The following POU6F2 variants were observed in gnomAD, a reference collection of about 807,000 sequenced individuals.
POU6F2 encodes the protein POU class 6 homeobox 2.
POU6F2 carries 31 observed loss-of-function variants against 71.3 expected under a neutral mutation model. The ratio of observed to expected loss-of-function variants is 0.43; its 90% CI spans 0.33 to 0.59. The LOEUF (loss-of-function observed/expected upper bound fraction) is 0.59, where lower values mean the gene tolerates loss of function less well. POU6F2 is among the 20% of genes least tolerant of loss of function. POU6F2 has a pLI of 0.04. For synonymous variants in POU6F2, 347 were observed against 355.7 expected, an observed-to-expected ratio of 0.98 and a Z score of 0.27; for missense variants, 783 against 856.8, an observed-to-expected ratio of 0.91 and a Z score of 1.07.
intron 1 of POU6F2, among the ~76,000 whole-genome samples, chr7:39,008,329 T>A (rs1584494407): frequency 2.6e-5 from 4 of 152,246 alleles, no homozygotes; most frequent in Admixed American, 2.6e-4. Context: ...TATCTTCTTT[T>A]GAGAAGTGTC....
intron 2 of POU6F2, among the ~76,000 whole-genome samples, chr7:39,112,007 G>A (rs372574039): frequency 6.6e-6 from 1 of 152,192 alleles, no homozygotes; most frequent in South Asian, 2.1e-4. Context: ...AATGTGGCCT[G>A]TTGAGAAGGT....
intron 1 of POU6F2, among the ~76,000 whole-genome samples, chr7:39,008,132 C>T: frequency 7.2e-6 from 1 of 138,740 alleles, no homozygotes; most frequent in Non-Finnish European, 1.6e-5. Flanking sequence ...AACTAGTTTA[C>T]AGTCCCACCA....
At chr7:39,406,252 AT>A (rs888175804) in intron 5 of POU6F2, 1 of 226,322 alleles carries the variant, frequency 4.4e-6, no homozygotes, top group African/African-American at 2.2e-5. Context: ...GGGAAAGCAG[AT>A]ATTTCCTGAG....
intron 2 of POU6F2, among the ~76,000 whole-genome samples, chr7:39,140,546 T>C (rs1001357541): frequency 1.6e-4 from 25 of 152,344 alleles, no homozygotes; most frequent in Admixed American, 1.4e-3. Context: ...CATTGGCTTG[T>C]GGCCACATCA....
intron 1 of POU6F2, among the ~76,000 whole-genome samples, chr7:39,005,484 C>T (rs1006627313): frequency 7.9e-6 from 1 of 126,610 alleles, no homozygotes. Context: ...AGGGAGAAAC[C>T]TGTGTGTGTG....
chr7:39,241,489 C>T (rs756854786), intron 4 of POU6F2, among the ~76,000 whole-genome samples: 16 of 152,110 alleles, frequency 1.1e-4, no homozygotes, highest in Non-Finnish European at 2.4e-4. Context: ...GATAGTGGCA[C>T]ATGGCCTGAA....
intron 1 of POU6F2, among the ~76,000 whole-genome samples, chr7:39,020,752 C>A (rs1363854192): frequency 1.3e-5 from 2 of 149,280 alleles, no homozygotes; most frequent in Non-Finnish European, 3.0e-5. Flanking sequence ...TCTAAAAGTT[C>A]TTTGCCTAAT....
chr7:39,153,664 T>A (rs1792804548), intron 2 of POU6F2, among the ~76,000 whole-genome samples: 2 of 152,232 alleles, frequency 1.3e-5, no homozygotes, highest in South Asian at 4.1e-4. Flanking sequence ...CTGATTTTTT[T>A]ATTTCAACAG....
chr7:39,109,517 G>T (rs889509066), intron 2 of POU6F2, among the ~76,000 whole-genome samples: 2 of 152,182 alleles, frequency 1.3e-5, no homozygotes, highest in African/African-American at 4.8e-5. Flanking sequence ...ATGTGACCCT[G>T]CATCCAATGA....
At chr7:39,454,227 G>T (rs561863329) in intron 8 of POU6F2, among the ~76,000 whole-genome samples, 2 of 152,148 alleles carry the variant, frequency 1.3e-5, no homozygotes, top group Non-Finnish European at 2.9e-5. Context: ...TCCCTGTAGA[G>T]TTGGAGTGCA....
intron 2 of POU6F2, among the ~76,000 whole-genome samples, chr7:39,114,834 T>C (rs748374540): frequency 3.9e-5 from 6 of 152,156 alleles, no homozygotes; most frequent in Non-Finnish European, 8.8e-5. Flanking sequence ...TTTTAAATTT[T>C]ATAAAAGATG....
chr7:39,320,989 G>A (rs1347026706), intron 4 of POU6F2, among the ~76,000 whole-genome samples: 11 of 152,168 alleles, frequency 7.2e-5, no homozygotes, highest in Non-Finnish European at 1.0e-4. Flanking sequence ...CCAGGAGGTC[G>A]AGGCTGCAGT....
At chr7:39,086,833 C>T (rs776424435) in intron 2 of POU6F2, among the ~76,000 whole-genome samples, 14 of 152,106 alleles carry the variant, frequency 9.2e-5, no homozygotes, top group African/African-American at 2.4e-4. Context: ...GTTGTTGAGG[C>T]GCGTGCCTGA....
chr7:39,442,262 A>G (rs529915688), intron 7 of POU6F2, among the ~76,000 whole-genome samples: 1 of 152,342 alleles, frequency 6.6e-6, no homozygotes, highest in East Asian at 1.9e-4. Context: ...CTTATGGGGT[A>G]GTGAGGAAGA....
intron 4 of POU6F2, among the ~76,000 whole-genome samples, chr7:39,328,547 C>A (rs1785568821): frequency 1.3e-5 from 2 of 152,132 alleles, no homozygotes; most frequent in South Asian, 4.1e-4. Context: ...TAATTAGTGT[C>A]CTAGGCTGGA....
At chr7:39,288,103 A>C (rs1178082476) in intron 4 of POU6F2, among the ~76,000 whole-genome samples, 2 of 152,240 alleles carry the variant, frequency 1.3e-5, no homozygotes, top group Non-Finnish European at 2.9e-5. Context: ...ACTAAAAAAT[A>C]ATTAAAGACC....
chr7:39,202,676 A>G (rs948965273), intron 2 of POU6F2, among the ~76,000 whole-genome samples: 7 of 152,246 alleles, frequency 4.6e-5, no homozygotes, highest in East Asian at 3.8e-4. Flanking sequence ...GCTTTTAAGC[A>G]TAATAGGTAA....
At chr7:39,044,050 G>A (rs1019696326) in intron 1 of POU6F2, among the ~76,000 whole-genome samples, 1 of 151,832 alleles carries the variant, frequency 6.6e-6, no homozygotes, top group African/African-American at 2.4e-5. Flanking sequence ...CCCTATCTCA[G>A]ATGCATTGAA....
At chr7:39,006,895 A>T (rs1562665456) in intron 1 of POU6F2, 1 of 1,607,794 alleles carries the variant, frequency 6.2e-7, no homozygotes, top group East Asian at 2.2e-5. Context: ...CAGAATGCCT[A>T]CCAATAGGAA....
Sources: allele counts gnomAD v4.1 joint callset (sites outside exome capture counted in the v4.1 genomes callset), GRCh38; gene constraint gnomAD v4.1.1; transcripts MANE v1.5; gene names NCBI Gene and HGNC (gene_info 2026-07-23, HGNC 2026-07-21).